GRID2: variants seen among roughly 807,000 people sequenced by gnomAD.
The protein encoded by GRID2 is glutamate receptor ionotropic, delta-2.
GRID2 carries 33 observed loss-of-function variants against 114.8 expected under a neutral mutation model. The ratio of observed to expected loss-of-function variants is 0.29; its 90% CI spans 0.22 to 0.38. The LOEUF is 0.38. Among genes scored for constraint, GRID2 ranks in the 10% least tolerant of loss-of-function variants. The probability of loss-of-function intolerance (pLI) is 1.00; values close to 1 mark genes in which losing one functional copy is unlikely to be tolerated. For missense variants in GRID2, 1,184 were observed against 1,257.7 expected (o/e 0.94, Z 0.89); for synonymous variants, 505 against 449.9 (o/e 1.12, Z -1.55).
chr4:92,889,308 G>A (rs548726984), intron 2 of GRID2, among the ~76,000 whole-genome samples: 7 of 152,132 alleles, frequency 4.6e-5, no homozygotes, highest in Non-Finnish European at 8.8e-5. Flanking sequence ...ATTCAAATAG[G>A]AAGAGAGGAA....
intron 1 of GRID2, among the ~76,000 whole-genome samples, chr4:92,526,235 G>A (rs796302958): frequency 4.3e-4 from 66 of 152,158 alleles, no homozygotes; most frequent in African/African-American, 1.6e-3. Context: ...TTTTCCCAGT[G>A]CTATAATGAT....
At chr4:92,548,747 C>G (rs1213821949) in intron 1 of GRID2, among the ~76,000 whole-genome samples, 1 of 151,918 alleles carries the variant, frequency 6.6e-6, no homozygotes, top group Non-Finnish European at 1.5e-5. Context: ...ATTTCACAGG[C>G]TGTAAAGGAA....
chr4:92,688,385 T>C (rs1167807291), intron 2 of GRID2, among the ~76,000 whole-genome samples: 1 of 152,116 alleles, frequency 6.6e-6, no homozygotes, highest in African/African-American at 2.4e-5. Context: ...CTGTAGCGTA[T>C]AATGCTGTCT....
In GRID2 at chr4:93,143,196, T is replaced by C. The variant is rs114359310; in HGVS notation, c.735+32243T>C. Among the ~76,000 whole-genome samples the C allele has an allele frequency of 9.4e-3, 1,430 of 152,336 alleles. 13 individuals carry two copies. The highest frequency in any genetic ancestry group is 0.016 in the Non-Finnish European group (1,063 of 68,018). Reference sequence around the variant, plus strand: ...ATCAGATTGCATTAGAAAAAAATGTTCTGCAACTATAAATATATGTTAAAA... The same window carrying C: ...ATCAGATTGCATTAGAAAAAAATGTCCTGCAACTATAAATATATGTTAAAA... On this transcript the variant is annotated intron_variant, in intron 4 of 15. Transcript: ENST00000282020.
At chr4:92,801,752 T>C (rs1740183090) in intron 2 of GRID2, among the ~76,000 whole-genome samples, 1 of 151,602 alleles carries the variant, frequency 6.6e-6, no homozygotes, top group African/African-American at 2.4e-5. Flanking sequence ...AATGCTTAAA[T>C]AGATGCCAAG....
intron 1 of GRID2, among the ~76,000 whole-genome samples, chr4:92,579,945 T>C (rs886871982): frequency 1.4e-5 from 2 of 146,876 alleles, no homozygotes; most frequent in Admixed American, 1.4e-4. Flanking sequence ...GTATATAATA[T>C]ATATATTTTA....
intron 2 of GRID2, among the ~76,000 whole-genome samples, chr4:92,613,156 CT>C (rs1729838086): frequency 6.6e-6 from 1 of 151,252 alleles, no homozygotes; most frequent in Admixed American, 6.6e-5. Context: ...TTTTGAAATA[CT>C]TTACTTGCTC....
chr4:93,268,918 G>A (rs901651311), intron 8 of GRID2, among the ~76,000 whole-genome samples: 5 of 152,100 alleles, frequency 3.3e-5, no homozygotes, highest in African/African-American at 7.2e-5. Context: ...CTGAGTGAAC[G>A]AGTCTCCCTT....
At chr4:93,285,439 TA>T (rs1392636842) in intron 8 of GRID2, among the ~76,000 whole-genome samples, 1 of 152,018 alleles carries the variant, frequency 6.6e-6, no homozygotes, top group Non-Finnish European at 1.5e-5. Context: ...ACATGTGCAT[TA>T]AAAAATAAGA....
intron 8 of GRID2, among the ~76,000 whole-genome samples, chr4:93,263,048 AT>A (rs1188442444): frequency 2.0e-5 from 3 of 151,840 alleles, no homozygotes; most frequent in Non-Finnish European, 4.4e-5. Flanking sequence ...GCCAGTTTCC[AT>A]TTCTGTTATT....
intron 1 of GRID2, among the ~76,000 whole-genome samples, chr4:92,386,114 T>A (rs2110250074): frequency 6.6e-6 from 1 of 151,780 alleles, no homozygotes; most frequent in African/African-American, 2.4e-5. Flanking sequence ...GTTAAAACTC[T>A]ACAATGTAGT....
At chr4:93,731,431 G>C (rs954912252) in intron 14 of GRID2, among the ~76,000 whole-genome samples, 18 of 152,336 alleles carry the variant, frequency 1.2e-4, no homozygotes, top group African/African-American at 2.9e-4. Flanking sequence ...TGGTGACAAT[G>C]AGAACGTGTG....
chr4:93,673,884 C>T (rs1418108207), intron 14 of GRID2, among the ~76,000 whole-genome samples: 1 of 152,144 alleles, frequency 6.6e-6, no homozygotes, highest in African/African-American at 2.4e-5. Flanking sequence ...GATTTTCAAA[C>T]TCTCTGGGTA....
At chr4:92,942,817 C>G (rs1341605939) in intron 2 of GRID2, among the ~76,000 whole-genome samples, 1 of 152,122 alleles carries the variant, frequency 6.6e-6, no homozygotes, top group African/African-American at 2.4e-5. Context: ...TTTATTTCTC[C>G]TTCGCTTATG....
intron 1 of GRID2, among the ~76,000 whole-genome samples, chr4:92,581,218 AAT>A (rs1160906162): frequency 1.3e-5 from 2 of 150,644 alleles, no homozygotes; most frequent in Non-Finnish European, 3.0e-5. Flanking sequence ...TTTTTTTAGA[AAT>A]AGTCACAAGT....
At chr4:93,369,716 T>C (rs1762688794) in intron 8 of GRID2, among the ~76,000 whole-genome samples, 2 of 152,122 alleles carry the variant, frequency 1.3e-5, no homozygotes, top group South Asian at 2.1e-4. Context: ...CTAAAACTCC[T>C]GAGATCTAGC....
chr4:92,940,335 A>G (rs1751010485), intron 2 of GRID2, among the ~76,000 whole-genome samples: 1 of 146,862 alleles, frequency 6.8e-6, no homozygotes, highest in Non-Finnish European at 1.5e-5. Flanking sequence ...GCAATTGTGA[A>G]TGGGAGTTCA....
chr4:92,812,915 G>T (rs1014907242), intron 2 of GRID2, among the ~76,000 whole-genome samples: 1 of 152,118 alleles, frequency 6.6e-6, no homozygotes, highest in African/African-American at 2.4e-5. Flanking sequence ...GGAAAAGAAT[G>T]CATTATCTAA....
Position 92,685,391 on chromosome 4 carries a change from C to A in GRID2, c.244+95105C>A, listed in dbSNP as rs201170168. On this transcript the variant is annotated intron_variant, in intron 2 of 15. Coordinates refer to ENST00000282020, the MANE Select transcript of GRID2 (RefSeq NM_001510.4). ...AAATATAGTAGAGAAATGGGGTTTACTTCCTGGAAGAATCAGGGAAGGATG... is the reference window on the plus strand; with the variant it reads ...AAATATAGTAGAGAAATGGGGTTTAATTCCTGGAAGAATCAGGGAAGGATG... Among the ~76,000 whole-genome samples, 3 of 151,992 alleles carry A rather than the reference C, an allele frequency of 2.0e-5. No homozygotes were observed. In the East Asian group the frequency reaches 5.8e-4, roughly 29 times the overall value.
Sources: gnomAD v4.1 joint callset for allele counts (sites outside exome capture counted in the v4.1 genomes callset) on GRCh38, gnomAD v4.1.1 for gene constraint, MANE v1.5 for transcripts, NCBI Gene and HGNC (gene_info 2026-07-23, HGNC 2026-07-21) for gene names.